The following LRFN2 variants were observed in gnomAD, a reference collection of about 807,000 sequenced individuals.
LRFN2 encodes the protein leucine rich repeat and fibronectin type III domain containing 2.
LRFN2 carries 18 observed loss-of-function variants against 37.3 expected under a neutral mutation model. That is an observed-to-expected ratio of 0.48 (90% CI 0.33 to 0.72). The LOEUF (loss-of-function observed/expected upper bound fraction) is 0.72. Among genes scored for constraint, LRFN2 ranks in the 30% least tolerant of loss-of-function variants. LRFN2 has a pLI of 0.02. For missense variants in LRFN2, 1,006 were observed against 1,060.7 expected, an observed-to-expected ratio of 0.95 and a Z score of 0.72; for synonymous variants, 556 against 466.6, an observed-to-expected ratio of 1.19 and a Z score of -2.47.
chr6:40,574,901 C>T (rs1198578383), intron 1 of LRFN2, among the ~76,000 whole-genome samples: 1 of 152,200 alleles, frequency 6.6e-6, no homozygotes, highest in African/African-American at 2.4e-5. Context: ...CAATAAGGGG[C>T]ATGCAGACAG....
At chr6:40,430,799 C>G (rs1409941501) in intron 2 of LRFN2, among the ~76,000 whole-genome samples, 1 of 152,158 alleles carries the variant, frequency 6.6e-6, no homozygotes, top group African/African-American at 2.4e-5. Context: ...GCTGATGCTA[C>G]CTGTAAGACC....
At chr6:40,536,159 G>A (rs1327771464) in intron 1 of LRFN2, among the ~76,000 whole-genome samples, 1 of 152,052 alleles carries the variant, frequency 6.6e-6, no homozygotes, top group Admixed American at 6.5e-5. Context: ...GTGAGGCCTG[G>A]GCAAACCTCG....
chr6:40,460,019 G>A (rs928042350), intron 1 of LRFN2, among the ~76,000 whole-genome samples: 3 of 152,162 alleles, frequency 2.0e-5, no homozygotes, highest in Non-Finnish European at 4.4e-5. Context: ...CCTCATTCTT[G>A]ACAGGGACAA....
At chr6:40,404,944 T>G (rs1402475940) in intron 2 of LRFN2, among the ~76,000 whole-genome samples, 2 of 152,208 alleles carry the variant, frequency 1.3e-5, no homozygotes, top group Non-Finnish European at 2.9e-5. Context: ...ATCTGCCCAC[T>G]GGAGTGTTCT....
At chr6:40,424,076 G>T (rs1242397899) in intron 2 of LRFN2, among the ~76,000 whole-genome samples, 5 of 152,136 alleles carry the variant, frequency 3.3e-5, no homozygotes, top group African/African-American at 9.7e-5. Flanking sequence ...ATCTTTTTCT[G>T]TGATGCCTCT....
In LRFN2 at chr6:40,432,161, G is replaced by A. The variant is rs751273503; in HGVS notation, c.953C>T (p.Pro318Leu). 1.2e-6 allele frequency: 2 copies of A among 1,613,822 alleles called. No homozygotes were observed. The highest frequency in any genetic ancestry group is 1.7e-6 in the Non-Finnish European group (2 of 1,180,024). The change falls in exon 2 of 3, where the codon CCC becomes CTC. Residue 318 changes from proline to leucine, a missense_variant. Physicochemically the swap from Pro to Leu is moderately conservative, Grantham distance 98 (BLOSUM62 -3). Around this residue, in one of 4 missense-constraint regions of LRFN2, gnomAD observed 303 missense variants for 299.8 expected, o/e 1.01. Coordinates refer to ENST00000338305, the MANE Select transcript of LRFN2 (RefSeq NM_020737.3). ...ATCGGGGGCTACCCAGTGGATAAGG[G>A]GGCTGGGGTCCCCAATGGCTTTGCA... ...LKCKAIGDPS[P>L]LIHWVAPDDR...
intron 2 of LRFN2, among the ~76,000 whole-genome samples, chr6:40,420,188 C>T (rs1359840152): frequency 1.3e-5 from 2 of 152,222 alleles, no homozygotes; most frequent in East Asian, 3.9e-4. Flanking sequence ...CGTTCATCCA[C>T]AGTGCTTGGC....
chr6:40,510,673 C>T (rs924120181), intron 1 of LRFN2, among the ~76,000 whole-genome samples: 10 of 152,288 alleles, frequency 6.6e-5, no homozygotes, highest in Middle Eastern at 3.4e-3. Flanking sequence ...AGGTCCATGA[C>T]CAGAATGCCA....
intron 1 of LRFN2, among the ~76,000 whole-genome samples, chr6:40,448,515 G>A (rs540779335): frequency 3.3e-5 from 5 of 152,220 alleles, no homozygotes; most frequent in South Asian, 4.2e-4. Flanking sequence ...TGCATCCTCC[G>A]TCAGCCCTAA....
At chr6:40,509,810 C>A (rs1581762433) in intron 1 of LRFN2, among the ~76,000 whole-genome samples, 1 of 150,226 alleles carries the variant, frequency 6.7e-6, no homozygotes, top group Non-Finnish European at 1.5e-5. Context: ...TGCCAGTATG[C>A]CAGGGAATAC....
At position 40,438,629 on chromosome 6, in the gene LRFN2, C is replaced by T. The variant is rs1043025652; in HGVS notation, c.-18-5498G>A. 5.9e-5 allele frequency among the ~76,000 whole-genome samples: 9 copies of T among 152,196 alleles called. No individual in the cohort carries two copies. The South Asian group carries it at 8.3e-4, about 14-fold the overall frequency. On this transcript the variant is annotated intron_variant, in intron 1 of 2. Transcript: ENST00000338305. ...CCTCTGGAGGCTTCCATGTGCCTGGCGTACAGAGAGACTGGCTGTCTTCAC... is the reference window on the plus strand; with the variant it reads ...CCTCTGGAGGCTTCCATGTGCCTGGTGTACAGAGAGACTGGCTGTCTTCAC...
chr6:40,519,562 T>C (rs1765989138), intron 1 of LRFN2, among the ~76,000 whole-genome samples: 2 of 152,290 alleles, frequency 1.3e-5, no homozygotes, highest in South Asian at 4.1e-4. Flanking sequence ...ACTATGGCCA[T>C]GACAAGAATA....
At chr6:40,534,796 A>G (rs1206168378) in intron 1 of LRFN2, among the ~76,000 whole-genome samples, 1 of 152,154 alleles carries the variant, frequency 6.6e-6, no homozygotes, top group Non-Finnish European at 1.5e-5. Flanking sequence ...GGTCTAGAAC[A>G]GGGGACCTCT....
At chr6:40,500,951 CTT>C (rs5875720) in intron 1 of LRFN2, among the ~76,000 whole-genome samples, 112 of 139,796 alleles carry the variant, frequency 8.0e-4, no homozygotes, top group Non-Finnish European at 7.1e-4. Flanking sequence ...TGTTTTTTCA[CTT>C]TTTTTTTTTT....
intron 1 of LRFN2, among the ~76,000 whole-genome samples, chr6:40,456,449 C>A (rs910805246): frequency 6.6e-6 from 1 of 152,160 alleles, no homozygotes; most frequent in African/African-American, 2.4e-5. Context: ...GTTTCCTAAG[C>A]CTGAAGTAGC....
At chr6:40,443,083 G>A (rs935785350) in intron 1 of LRFN2, among the ~76,000 whole-genome samples, 1 of 152,122 alleles carries the variant, frequency 6.6e-6, no homozygotes, top group Non-Finnish European at 1.5e-5. Flanking sequence ...TGTTTCATTT[G>A]CCTGTTTGTG....
At chr6:40,479,319 A>C (rs1282073099) in intron 1 of LRFN2, among the ~76,000 whole-genome samples, 1 of 152,084 alleles carries the variant, frequency 6.6e-6, no homozygotes, top group Non-Finnish European at 1.5e-5. Flanking sequence ...AGCAACCACC[A>C]CTCAGAAGAG....
Position 40,581,080 on chromosome 6 carries a change from C to T in LRFN2, c.-19+5861G>A, listed in dbSNP as rs115648042. Among the ~76,000 whole-genome samples, 488 of 152,120 alleles carry T rather than the reference C, an allele frequency of 3.2e-3. 1 individual carries two copies. Among genetic ancestry groups the T allele is most frequent in the African/African-American group, 0.011 (471 of 41,504 alleles). On this transcript the variant is annotated intron_variant, in intron 1 of 2. Transcript: ENST00000338305. The stretch of plus-strand genomic sequence containing the variant: ...GAGGAAAGAGACACCCTCATTCAGA[C>T]GGCAGCCCTGGGATCCTGGTCATTC...
intron 2 of LRFN2, among the ~76,000 whole-genome samples, chr6:40,402,168 G>A (rs552165818): frequency 4.6e-5 from 7 of 152,352 alleles, no homozygotes; most frequent in Admixed American, 4.6e-4. Flanking sequence ...AATTTATTGA[G>A]TACTTACTAC....
Sources: gnomAD v4.1 joint callset for allele counts (sites outside exome capture counted in the v4.1 genomes callset) on GRCh38, gnomAD v4.1.1 for gene constraint, gnomAD v4.1.1 regional missense constraint, MANE v1.5 for transcripts, NCBI Gene and HGNC (gene_info 2026-07-23, HGNC 2026-07-21) for gene names.